Variants in EFCAB5 observed in about 807,000 individuals in gnomAD.
EFCAB5 encodes the protein EF-hand calcium-binding domain-containing protein 5.
A neutral mutation model predicts 167.9 loss-of-function variants in EFCAB5; 131 were observed. The ratio of observed to expected loss-of-function variants is 0.78; its 90% CI spans 0.68 to 0.90. EFCAB5 has a LOEUF of 0.90. EFCAB5 is among the 40% of genes least tolerant of loss of function. The pLI is 0.00. For synonymous variants in EFCAB5, 574 were observed against 602.8 expected, an observed-to-expected ratio of 0.95 and a Z score of 0.70; for missense variants, 1,663 against 1,745.2, an observed-to-expected ratio of 0.95 and a Z score of 0.84.
chr17:30,089,694 G>T (rs1002085973), intron 19 of EFCAB5, among the ~76,000 whole-genome samples: 7 of 152,100 alleles, frequency 4.6e-5, no homozygotes, highest in Non-Finnish European at 8.8e-5. Flanking sequence ...GCCCTTGAGC[G>T]ATTGGAGCTC....
intron 7 of EFCAB5, among the ~76,000 whole-genome samples, chr17:30,028,563 C>T (rs916290524): frequency 1.1e-4 from 17 of 152,184 alleles, no homozygotes; most frequent in Non-Finnish European, 2.4e-4. Context: ...GAACTACCCT[C>T]CAATTGGATG....
At chr17:29,957,505 G>A (rs2067641359) in intron 3 of EFCAB5, among the ~76,000 whole-genome samples, 1 of 152,054 alleles carries the variant, frequency 6.6e-6, no homozygotes, top group African/African-American at 2.4e-5. Context: ...ACAGGCCCCA[G>A]TGTATGTTGT....
At chr17:30,059,743 C>T (rs1249192353) in intron 14 of EFCAB5, 42 bp downstream of exon 14, 1 of 1,519,068 alleles carries the variant, frequency 6.6e-7, no homozygotes, top group Non-Finnish European at 8.9e-7. Flanking sequence ...TGGTAATTAA[C>T]TTGGCTTCAA....
chr17:30,079,990 A>T, intron 15 of EFCAB5, 82 bp from the exon 16 acceptor site: 1 of 1,482,102 alleles, frequency 6.7e-7, no homozygotes, highest in Non-Finnish European at 9.0e-7. Context: ...GGCAAGATGC[A>T]TGAATTAACT....
At chr17:30,024,662 T>G (rs1356761190) in intron 7 of EFCAB5, among the ~76,000 whole-genome samples, 3 of 151,784 alleles carry the variant, frequency 2.0e-5, no homozygotes, top group African/African-American at 4.8e-5. Context: ...ATGACTTTCT[T>G]CACAGAATTG....
chr17:29,962,203 C>A (rs1267332908), intron 3 of EFCAB5, among the ~76,000 whole-genome samples: 1 of 152,096 alleles, frequency 6.6e-6, no homozygotes, highest in Non-Finnish European at 1.5e-5. Flanking sequence ...ATCTGAGGAT[C>A]ACTTTTTCTA....
chr17:30,000,870 T>C (rs1465710846), intron 7 of EFCAB5, among the ~76,000 whole-genome samples: 1 of 152,206 alleles, frequency 6.6e-6, no homozygotes, highest in African/African-American at 2.4e-5. Flanking sequence ...ATATCTCCCC[T>C]GTGATCCAGA....
At chr17:30,068,991 G>A (rs1567756307) in intron 14 of EFCAB5, 3 of 1,453,708 alleles carry the variant, frequency 2.1e-6, no homozygotes, top group Non-Finnish European at 2.9e-6. Flanking sequence ...CTCACAAGGA[G>A]ATACATTCCC....
chr17:29,998,781 A>G (rs1046295143), intron 6 of EFCAB5, among the ~76,000 whole-genome samples: 1 of 152,216 alleles, frequency 6.6e-6, no homozygotes, highest in African/African-American at 2.4e-5. Flanking sequence ...AAGAGTTACT[A>G]TTAGAAGTAG....
chr17:30,023,866 G>A (rs980757309), intron 7 of EFCAB5, among the ~76,000 whole-genome samples: 3 of 152,110 alleles, frequency 2.0e-5, no homozygotes, highest in African/African-American at 2.4e-5. Context: ...GGGATGCAAG[G>A]CTGGTTCAAT....
intron 3 of EFCAB5, among the ~76,000 whole-genome samples, chr17:29,945,615 T>A (rs1332869768): frequency 1.3e-5 from 2 of 152,108 alleles, no homozygotes; most frequent in Non-Finnish European, 2.9e-5. Flanking sequence ...TACAAGGCTA[T>A]AGTTCCTGAA....
At chr17:30,093,115 T>C (rs543259894) in intron 22 of EFCAB5, among the ~76,000 whole-genome samples, 179 bp downstream of exon 22, 5 of 152,258 alleles carry the variant, frequency 3.3e-5, no homozygotes, top group Admixed American at 6.5e-5. Context: ...AGTCATTGTC[T>C]ATGCCACATT....
chr17:30,071,798 GGAATA>G (rs2070743593), intron 14 of EFCAB5, among the ~76,000 whole-genome samples: 1 of 152,118 alleles, frequency 6.6e-6, no homozygotes, highest in Non-Finnish European at 1.5e-5. Flanking sequence ...TATATACAAT[GGAATA>G]GTATTTAGCC....
intron 3 of EFCAB5, among the ~76,000 whole-genome samples, chr17:29,950,367 T>C (rs2151534034): frequency 6.6e-6 from 1 of 151,308 alleles, no homozygotes; most frequent in South Asian, 2.1e-4. Flanking sequence ...CCTCTCTCTT[T>C]CTTTCTTTTT....
intron 1 of EFCAB5, among the ~76,000 whole-genome samples, chr17:29,935,752 GA>G (rs1377966318): frequency 4.6e-5 from 7 of 151,690 alleles, no homozygotes; most frequent in Non-Finnish European, 8.8e-5. Flanking sequence ...AAAAACAGAG[GA>G]AGCAAAGGGA....
intron 14 of EFCAB5, among the ~76,000 whole-genome samples, chr17:30,066,574 C>G (rs2070577917): frequency 6.6e-6 from 1 of 151,746 alleles, no homozygotes. Flanking sequence ...TTGTAGAAAG[C>G]TTTCAAATAA....
At chr17:29,963,668 T>G (rs1203219931) in intron 3 of EFCAB5, among the ~76,000 whole-genome samples, 1 of 152,244 alleles carries the variant, frequency 6.6e-6, no homozygotes, top group East Asian at 1.9e-4. Context: ...TGAAGCCATC[T>G]GATCCAAGAC....
intron 14 of EFCAB5, among the ~76,000 whole-genome samples, chr17:30,062,241 T>C (rs899804377): frequency 2.2e-4 from 33 of 151,676 alleles, no homozygotes; most frequent in African/African-American, 5.8e-4. Context: ...TTAAGAAAAA[T>C]AACTGAGGGA....
intron 7 of EFCAB5, among the ~76,000 whole-genome samples, chr17:30,008,070 A>C (rs57719820): frequency 0.62 from 93,663 of 151,494 alleles, 31,123 homozygotes; most frequent in African/African-American, 0.87. Context: ...AGTCAATAGC[A>C]ATCTAATGAT....
Sources: allele counts gnomAD v4.1 joint callset (sites outside exome capture counted in the v4.1 genomes callset), GRCh38; gene constraint gnomAD v4.1.1; transcripts MANE v1.5; gene names NCBI Gene and HGNC (gene_info 2026-07-23, HGNC 2026-07-21).